Variants in MTHFD1L observed in about 807,000 individuals in gnomAD.
MTHFD1L encodes the protein monofunctional C1-tetrahydrofolate synthase, mitochondrial.
Under a neutral mutation model 119.5 loss-of-function variants are expected in MTHFD1L, and 81 were observed. The ratio of observed to expected loss-of-function variants is 0.68; its 90% CI spans 0.57 to 0.82. The LOEUF is 0.82. Ranked by LOEUF, MTHFD1L falls within the 40% of genes least tolerant of loss-of-function variation. The pLI is 0.00. For synonymous variants in MTHFD1L, 430 were observed against 475.2 expected (o/e 0.90, Z 1.24); for missense variants, 1,125 against 1,253.4 (o/e 0.90, Z 1.55).
At chr6:150,882,648 CAACA>C (rs1408648195) in intron 4 of MTHFD1L, 110 bp from the exon 5 acceptor site, 1 of 773,008 alleles carries the variant, frequency 1.3e-6, no homozygotes, top group African/African-American at 1.9e-5. Context: ...AGCAAAACAA[CAACA>C]AACTATAACA....
intron 7 of MTHFD1L, among the ~76,000 whole-genome samples, chr6:150,890,027 A>G (rs1782962063): frequency 1.3e-5 from 2 of 152,108 alleles, no homozygotes; most frequent in Admixed American, 6.6e-5. Flanking sequence ...GTGGTGGCAC[A>G]TGCCTGTAAT....
intron 24 of MTHFD1L, among the ~76,000 whole-genome samples, chr6:151,032,771 C>T (rs1785529954): frequency 1.3e-5 from 2 of 152,136 alleles, no homozygotes; most frequent in Non-Finnish European, 2.9e-5. Context: ...GGTTATAAGG[C>T]TTGCACCTTC....
intron 19 of MTHFD1L, among the ~76,000 whole-genome samples, chr6:150,969,264 G>A (rs940536031): frequency 6.6e-6 from 1 of 152,214 alleles, no homozygotes; most frequent in Non-Finnish European, 1.5e-5. Context: ...TTATAGGTGT[G>A]AGCCACCGTG....
intron 20 of MTHFD1L, among the ~76,000 whole-genome samples, chr6:150,972,427 A>G (rs1489831263): frequency 6.6e-6 from 1 of 152,236 alleles, no homozygotes; most frequent in Non-Finnish European, 1.5e-5. Context: ...GAGATATTTT[A>G]GTCATTCAGC....
At chr6:151,095,545 C>T (rs1213072701) in intron 27 of MTHFD1L, among the ~76,000 whole-genome samples, 1 of 152,254 alleles carries the variant, frequency 6.6e-6, no homozygotes, top group Non-Finnish European at 1.5e-5. Flanking sequence ...CTCAGGGATA[C>T]ATCCTTAGCA....
chr6:150,921,960 T>G (rs1789020418), intron 9 of MTHFD1L, among the ~76,000 whole-genome samples: 8 of 152,226 alleles, frequency 5.3e-5, no homozygotes, highest in Admixed American at 3.9e-4. Flanking sequence ...TTTAATACTA[T>G]CAAACTCTTC....
chr6:150,944,560 G>T lies in MTHFD1L; in HGVS notation c.1515G>T (p.Thr505=). The change falls in exon 14 of 28, where the codon ACG becomes ACT. Residue 505 remains threonine, a synonymous_variant. Transcript: ENST00000367321. ...ACTTGCTGGCTGCCGCCATCGACAC[G>T]AGGATTCTTCATGAAAACACGCAAA... ...ANNLLAAAID[T]RILHENTQTD... The T allele has an allele frequency of 6.2e-7, 1 of 1,614,002 alleles. No homozygotes were observed. Among genetic ancestry groups the T allele is most frequent in the East Asian group, 2.2e-5 (1 of 44,880 alleles).
chr6:151,045,137 G>A (rs1176741169), intron 26 of MTHFD1L, among the ~76,000 whole-genome samples: 2 of 152,112 alleles, frequency 1.3e-5, no homozygotes, highest in East Asian at 1.9e-4. Flanking sequence ...TGCTTCACTC[G>A]GTTAGGCATG....
At chr6:150,922,397 G>A in intron 10 of MTHFD1L, 95 bp downstream of exon 10, 1 of 861,002 alleles carries the variant, frequency 1.2e-6, no homozygotes, top group South Asian at 2.1e-5. Flanking sequence ...TGGTACTGTG[G>A]TTTTGATGGT....
chr6:150,925,266 C>T (rs962523860), intron 10 of MTHFD1L, among the ~76,000 whole-genome samples: 4 of 152,230 alleles, frequency 2.6e-5, no homozygotes, highest in East Asian at 1.9e-4. Flanking sequence ...CGTGGTCTCC[C>T]GGGGTTAGTC....
chr6:150,948,030 G>A (rs1385544478), intron 15 of MTHFD1L, among the ~76,000 whole-genome samples: 4 of 150,384 alleles, frequency 2.7e-5, no homozygotes, highest in East Asian at 1.9e-4. Flanking sequence ...TTTTTGAGAC[G>A]GAGTTTCACT....
chr6:150,884,266 C>T (rs1176879199), intron 5 of MTHFD1L, among the ~76,000 whole-genome samples: 2 of 151,780 alleles, frequency 1.3e-5, no homozygotes, highest in African/African-American at 4.8e-5. Context: ...CTCAGCCTCC[C>T]GAGTAGCTGG....
chr6:150,933,028 G>A (rs1791422812), intron 11 of MTHFD1L, among the ~76,000 whole-genome samples: 1 of 152,148 alleles, frequency 6.6e-6, no homozygotes, highest in African/African-American at 2.4e-5. Flanking sequence ...AATACAGGAA[G>A]GAGGTGAAAT....
chr6:151,009,122 CAAAAA>C (rs59189384), intron 20 of MTHFD1L, among the ~76,000 whole-genome samples: 4 of 96,864 alleles, frequency 4.1e-5, no homozygotes, highest in Middle Eastern at 5.6e-3. Flanking sequence ...AACTCCATCT[CAAAAA>C]AAAAAAAAAA....
chr6:150,866,762 C>T, intron 1 of MTHFD1L: 1 of 951,794 alleles, frequency 1.1e-6, no homozygotes, highest in Non-Finnish European at 1.3e-6. Context: ...TCTGCGGGCC[C>T]AGAGCGAACT....
intron 1 of MTHFD1L, among the ~76,000 whole-genome samples, chr6:150,873,659 T>A: frequency 6.6e-6 from 1 of 151,974 alleles, no homozygotes; most frequent in East Asian, 1.9e-4. Flanking sequence ...GAATCAGACT[T>A]TCTAGGGCTG....
chr6:150,941,951 A>G (rs1433494646), intron 13 of MTHFD1L, among the ~76,000 whole-genome samples: 2 of 152,226 alleles, frequency 1.3e-5, no homozygotes, highest in Admixed American at 6.5e-5. Context: ...AATCAAGTAA[A>G]TAAATCTACA....
intron 24 of MTHFD1L, among the ~76,000 whole-genome samples, chr6:151,031,295 G>T (rs776000445): frequency 1.4e-4 from 21 of 152,210 alleles, no homozygotes; most frequent in Non-Finnish European, 2.6e-4. Flanking sequence ...CCCTCCAAGA[G>T]ATTTCAGTGT....
chr6:151,067,547 C>T (rs1791460301), intron 26 of MTHFD1L, among the ~76,000 whole-genome samples: 1 of 152,220 alleles, frequency 6.6e-6, no homozygotes, highest in South Asian at 2.1e-4. Flanking sequence ...TGGTCTCGAA[C>T]TCCTGGCCTC....
Sources: allele counts gnomAD v4.1 joint callset (sites outside exome capture counted in the v4.1 genomes callset), GRCh38; gene constraint gnomAD v4.1.1; transcripts MANE v1.5; gene names NCBI Gene and HGNC (gene_info 2026-07-23, HGNC 2026-07-21).